ATP10B: variants seen among roughly 807,000 people sequenced by gnomAD.
ATP10B encodes phospholipid-transporting ATPase VB.
ATP10B carries 122 observed loss-of-function variants against 141.2 expected under a neutral mutation model. That is an observed-to-expected ratio of 0.86 (90% CI 0.75 to 1.00). The LOEUF is 1.00. Ranked by LOEUF, ATP10B falls within the 50% of genes least tolerant of loss-of-function variation. The pLI, the probability that ATP10B is intolerant of heterozygous loss-of-function variation, is 0.00. For missense variants in ATP10B, 1,876 were observed against 1,825.3 expected (o/e 1.03, Z -0.51); for synonymous variants, 685 against 692.0 (o/e 0.99, Z 0.16).
intron 24 of ATP10B, 43 bp downstream of exon 24, chr5:160,589,549 C>A (rs1312208526): frequency 1.4e-6 from 2 of 1,456,208 alleles, no homozygotes; most frequent in East Asian, 2.3e-5. Context: ...AGTCAATGGG[C>A]AGGAGCACAG....
At chr5:160,894,121 A>G in the ATP10B span, among the ~76,000 whole-genome samples, 1 of 152,076 alleles carries the variant, frequency 6.6e-6, no homozygotes, top group African/African-American at 2.4e-5. Flanking sequence ...AATTGCATAA[A>G]CCAGAACGCG....
At chr5:160,911,407 G>T in the ATP10B span, among the ~76,000 whole-genome samples, 5 of 152,178 alleles carry the variant, frequency 3.3e-5, no homozygotes, top group Admixed American at 1.3e-4. Context: ...TGAGAGAAAA[G>T]AATTAACTCA....
the ATP10B span, among the ~76,000 whole-genome samples, chr5:160,857,568 A>G: frequency 6.6e-6 from 1 of 151,488 alleles, no homozygotes; most frequent in Non-Finnish European, 1.5e-5. Flanking sequence ...GGATATTTTT[A>G]TCTTCTTTTT....
At chr5:160,599,270 G>A (rs1756938679) in intron 21 of ATP10B, among the ~76,000 whole-genome samples, 1 of 152,152 alleles carries the variant, frequency 6.6e-6, no homozygotes, top group Admixed American at 6.5e-5. Context: ...GCAACTTAAA[G>A]CAAAATGATG....
At chr5:160,778,447 A>T (rs1770490466) in intron 2 of ATP10B, among the ~76,000 whole-genome samples, 2 of 152,152 alleles carry the variant, frequency 1.3e-5, no homozygotes, top group Non-Finnish European at 2.9e-5. Flanking sequence ...TTCTTCAAAA[A>T]CTCATAATAG....
At chr5:160,593,397 C>G (rs560125891) in intron 22 of ATP10B, among the ~76,000 whole-genome samples, 59 of 152,204 alleles carry the variant, frequency 3.9e-4, no homozygotes, top group African/African-American at 1.4e-3. Context: ...GAAAGGACAT[C>G]CACAGCAAAA....
chr5:160,607,216 C>T, intron 18 of ATP10B, 130 bp from the exon 19 acceptor site: 1 of 789,794 alleles, frequency 1.3e-6, no homozygotes. Flanking sequence ...AGCTATTCTC[C>T]AATTTTTATA....
chr5:160,873,926 A>C, the ATP10B span, among the ~76,000 whole-genome samples: 3 of 152,218 alleles, frequency 2.0e-5, no homozygotes, highest in African/African-American at 7.2e-5. Flanking sequence ...GCAGTCTGAG[A>C]TCAAACTGCA....
chr5:160,792,411 A>T (rs1289680598), intron 1 of ATP10B, among the ~76,000 whole-genome samples: 1 of 152,076 alleles, frequency 6.6e-6, no homozygotes, highest in East Asian at 1.9e-4. Flanking sequence ...GCAGCTAGAG[A>T]CTTCAGAGTC....
At chr5:160,595,108 A>T (rs1756585263) in intron 22 of ATP10B, among the ~76,000 whole-genome samples, 1 of 152,166 alleles carries the variant, frequency 6.6e-6, no homozygotes, top group Non-Finnish European at 1.5e-5. Context: ...GCACCACATC[A>T]CACTTATTCC....
intron 22 of ATP10B, 91 bp from the exon 23 acceptor site, chr5:160,591,230 A>G (rs1756273851): frequency 1.0e-6 from 1 of 980,500 alleles, no homozygotes; most frequent in African/African-American, 1.6e-5. Flanking sequence ...TGCGACAGAC[A>G]ACCAGACGCA....
chr5:160,793,932 CA>C (rs140055179), intron 1 of ATP10B, among the ~76,000 whole-genome samples: 1,679 of 152,294 alleles, frequency 0.011, 38 homozygotes, highest in African/African-American at 0.039. Context: ...AGCCTAGGAG[CA>C]CTACGCTGTA....
At chr5:160,649,578 A>C (rs1007442882) in intron 7 of ATP10B, among the ~76,000 whole-genome samples, 19 of 152,228 alleles carry the variant, frequency 1.2e-4, no homozygotes, top group African/African-American at 4.1e-4. Context: ...TGCATTGTGC[A>C]GTATGGAAGC....
Position 160,688,895 on chromosome 5 carries a change from T to C in ATP10B, c.-156A>G. 1 of 985,386 alleles carries C rather than the reference T, an allele frequency of 1.0e-6. No individual in the cohort carries two copies. 61.0% of individuals were successfully genotyped at this position (985,386 alleles called of 1,614,324 possible). On this transcript the variant is annotated 5_prime_UTR_variant, in exon 4 of 26. Coordinates refer to ENST00000327245, the MANE Select transcript of ATP10B (RefSeq NM_025153.3). The stretch of plus-strand genomic sequence containing the variant: ...CTTTTCTTAATCTAGATGGCTGGAG[T>C]TGGGGATAGGGGATCCCTTTTCTTT...
intron 3 of ATP10B, 21 bp downstream of exon 3, chr5:160,716,888 G>C (rs1393463768): frequency 2.0e-6 from 2 of 985,020 alleles, no homozygotes; most frequent in Non-Finnish European, 1.2e-6. Context: ...AAGAAACGGG[G>C]AAGCAACGCA....
At chr5:160,633,967 T>C in intron 12 of ATP10B, 1 of 363,226 alleles carries the variant, frequency 2.8e-6, no homozygotes, top group Non-Finnish European at 5.3e-6. Flanking sequence ...GACACAGACC[T>C]GCCCTGACAT....
intron 2 of ATP10B, among the ~76,000 whole-genome samples, chr5:160,782,104 G>A (rs1770757535): frequency 6.6e-6 from 1 of 152,130 alleles, no homozygotes. Flanking sequence ...TCTTTAGGAA[G>A]TTTCTTGCAA....
At chr5:160,891,460 T>G in the ATP10B span, among the ~76,000 whole-genome samples, 1 of 152,192 alleles carries the variant, frequency 6.6e-6, no homozygotes, top group Non-Finnish European at 1.5e-5. Flanking sequence ...GTTTTATTTT[T>G]TATTTATTTT....
intron 2 of ATP10B, among the ~76,000 whole-genome samples, chr5:160,735,676 A>G (rs1431087680): frequency 1.3e-5 from 2 of 152,136 alleles, no homozygotes; most frequent in Non-Finnish European, 2.9e-5. Context: ...CATTTCATCC[A>G]ATAACTACTG....
Sources: allele counts gnomAD v4.1 joint callset (sites outside exome capture counted in the v4.1 genomes callset), GRCh38; gene constraint gnomAD v4.1.1; transcripts MANE v1.5; gene names NCBI Gene and HGNC (gene_info 2026-07-23, HGNC 2026-07-21).